SLC9C2: variants seen among roughly 807,000 people sequenced by gnomAD.
The protein encoded by SLC9C2 is solute carrier family 9 member C2 (putative).
Under a neutral mutation model 140.2 loss-of-function variants are expected in SLC9C2, and 75 were observed. The observed-to-expected ratio is 0.53, with a 90% CI of 0.44 to 0.65. SLC9C2 has a LOEUF of 0.65. SLC9C2 is among the 30% of genes least tolerant of loss of function. The probability of loss-of-function intolerance (pLI) is 0.00; values close to 1 mark genes in which losing one functional copy is unlikely to be tolerated. For missense variants in SLC9C2, 1,074 were observed against 1,331.8 expected (o/e 0.81, Z 3.01); for synonymous variants, 375 against 420.9 (o/e 0.89, Z 1.34).
At position 173,509,738 on chromosome 1, in the gene SLC9C2, G is replaced by T. The variant is rs16846052; in HGVS notation, c.2908-39C>A. On this transcript the variant is annotated intron_variant, in intron 23 of 27. Transcript: ENST00000367714. Reference sequence around the variant, plus strand: ...GAACCAGGCCATAGCAGCTTGATGTGGAACTAAATTACAAGACCATCAAAA... The same window carrying T: ...GAACCAGGCCATAGCAGCTTGATGTTGAACTAAATTACAAGACCATCAAAA... 0.022 allele frequency: 34,741 copies of T among 1,554,268 alleles called. 6,565 individuals are homozygous for T. In the African/African-American group the frequency reaches 0.42, roughly 19 times the overall value.
rs146213293 is a variant in SLC9C2 at position 173,569,572 on chromosome 1, G to T, written c.1046+3610C>A. Among the ~76,000 whole-genome samples the T allele has an allele frequency of 5.9e-4, 89 of 152,010 alleles. 1 individual carries two copies. The East Asian group carries it at 0.013, about 22-fold the overall frequency. Reference sequence around the variant, plus strand: ...TTTCTTTCTCTACTGCCTCTTTAAGGCCAATAACACTTAGACTTGCCCTTC... The same window carrying T: ...TTTCTTTCTCTACTGCCTCTTTAAGTCCAATAACACTTAGACTTGCCCTTC... On this transcript the variant is annotated intron_variant, in intron 9 of 27. Coordinates refer to ENST00000367714, the MANE Select transcript of SLC9C2 (RefSeq NM_178527.4).
At chr1:173,597,359 T>G (rs956726951) in intron 4 of SLC9C2, among the ~76,000 whole-genome samples, 2 of 151,232 alleles carry the variant, frequency 1.3e-5, no homozygotes, top group African/African-American at 2.4e-5. Context: ...AAAAGAAAAT[T>G]TAAAACCTTA....
intron 9 of SLC9C2, among the ~76,000 whole-genome samples, chr1:173,572,629 T>C (rs898658): frequency 0.24 from 37,040 of 152,128 alleles, 5,476 homozygotes; most frequent in East Asian, 0.64. Context: ...TAGGCAGGTT[T>C]TTACATTCTC....
chr1:173,594,099 G>A (rs1666318718), intron 4 of SLC9C2, among the ~76,000 whole-genome samples: 1 of 152,094 alleles, frequency 6.6e-6, no homozygotes, highest in African/African-American at 2.4e-5. Flanking sequence ...CAACAATTAG[G>A]CTCAGGTATT....
At chr1:173,551,039 G>T (rs1394006714) in intron 11 of SLC9C2, among the ~76,000 whole-genome samples, 1 of 151,930 alleles carries the variant, frequency 6.6e-6, no homozygotes, top group African/African-American at 2.4e-5. Context: ...TTGCTTTGAG[G>T]TGGGCTGTCA....
chr1:173,510,397 A>G (rs985781383), intron 23 of SLC9C2, among the ~76,000 whole-genome samples: 1 of 152,218 alleles, frequency 6.6e-6, no homozygotes, highest in African/African-American at 2.4e-5. Context: ...TACGTGTGCC[A>G]TGGTGGTTTG....
At chr1:173,557,979 C>T (rs745418750) in intron 9 of SLC9C2, among the ~76,000 whole-genome samples, 4 of 152,222 alleles carry the variant, frequency 2.6e-5, no homozygotes, top group South Asian at 2.1e-4. Context: ...AAGAATCATA[C>T]GCTAAATGTC....
chr1:173,566,976 T>A (rs1664513797), intron 9 of SLC9C2, among the ~76,000 whole-genome samples: 1 of 152,090 alleles, frequency 6.6e-6, no homozygotes. Flanking sequence ...TTTACCTGTG[T>A]TGTATAGTTT....
chr1:173,589,142 G>A (rs1322397957), intron 4 of SLC9C2, among the ~76,000 whole-genome samples: 2 of 152,204 alleles, frequency 1.3e-5, no homozygotes, highest in African/African-American at 4.8e-5. Context: ...TAAGATTGGA[G>A]TTATCTTTCA....
intron 24 of SLC9C2, 43 bp downstream of exon 24, chr1:173,509,525 G>T: frequency 7.0e-7 from 1 of 1,423,108 alleles, no homozygotes; most frequent in Non-Finnish European, 9.3e-7. Flanking sequence ...AAAATACAAT[G>T]CATAAAAATT....
At position 173,506,931 on chromosome 1, in the gene SLC9C2, C is replaced by T. The variant is rs1659681326; in HGVS notation, c.3150G>A (p.Val1050=). 6.2e-7 allele frequency: 1 copy of T among 1,613,564 alleles called. No individual in the cohort carries two copies. The highest frequency in any genetic ancestry group is 1.3e-5 in the African/African-American group (1 of 74,884). The stretch of plus-strand genomic sequence containing the variant: ...TCTTAGTATCAATTACACTGCCATA[C>T]ACAATGATAACAAATTTCATGGTCA... ...DNMTMKFVII[V]YGSVIDTKTE... The change falls in exon 25 of 28, where the codon GTG becomes GTA. Residue 1050 remains valine, a synonymous_variant. Transcript: ENST00000367714.
At position 173,574,501 on chromosome 1, in the gene SLC9C2, A is replaced by G. The variant is rs544486479; in HGVS notation, c.903-1176T>C. Among the ~76,000 whole-genome samples, 13 of 143,242 alleles carry G rather than the reference A, an allele frequency of 9.1e-5. No homozygotes were observed. In the East Asian group the frequency reaches 2.5e-3, roughly 28 times the overall value. The allele number at this position is 143,242 out of a possible 152,430, so 94.0% of individuals were successfully genotyped here. On this transcript the variant is annotated intron_variant, in intron 8 of 27. Coordinates refer to ENST00000367714, the MANE Select transcript of SLC9C2 (RefSeq NM_178527.4). ...AGTCATGGAATAACTGACTGAGTTA[A>G]GTACTTTTTTTTTTTTTTTTTTTTT...
rs770479989 is a variant in SLC9C2 at position 173,548,417 on chromosome 1, TCTA to T, written c.1430_1432del (p.Val477del). Reference sequence around the variant, plus strand: ...AATGTATTCGATCCTCGTTTTATCTTCTACTAAGGTCCAGTTAACATTTGTCAA... The same window carrying T: ...AATGTATTCGATCCTCGTTTTATCTTCTAAGGTCCAGTTAACATTTGTCAA... On this transcript the variant is annotated inframe_deletion, in exon 12 of 28. Transcript: ENST00000367714. The T allele has an allele frequency of 1.9e-6, 3 of 1,613,236 alleles. No individual in the cohort carries two copies. The highest frequency in any genetic ancestry group is 2.5e-6 in the Non-Finnish European group (3 of 1,179,600).
intron 27 of SLC9C2, among the ~76,000 whole-genome samples, chr1:173,501,580 G>A (rs573984800): frequency 2.8e-4 from 40 of 140,872 alleles, no homozygotes; most frequent in African/African-American, 8.1e-4. Flanking sequence ...GCATGGTCTC[G>A]GCTCACTGCA....
At chr1:173,536,013 T>C in intron 14 of SLC9C2, 64 bp from the exon 15 acceptor site, 1 of 1,372,142 alleles carries the variant, frequency 7.3e-7, no homozygotes, top group Non-Finnish European at 9.7e-7. Flanking sequence ...TGGGTTAATA[T>C]AAAAGGGGAA....
intron 23 of SLC9C2, among the ~76,000 whole-genome samples, chr1:173,513,590 T>C (rs1428252657): frequency 1.3e-5 from 2 of 152,162 alleles, no homozygotes; most frequent in African/African-American, 4.8e-5. Context: ...TGTTAATTTT[T>C]TCAAAAAAAT....
At chr1:173,561,430 G>C (rs1342258607) in intron 9 of SLC9C2, among the ~76,000 whole-genome samples, 3 of 152,186 alleles carry the variant, frequency 2.0e-5, no homozygotes, top group Non-Finnish European at 4.4e-5. Context: ...TTGCATAGCT[G>C]TACAACCAAG....
At chr1:173,566,818 A>G (rs10798289) in intron 9 of SLC9C2, among the ~76,000 whole-genome samples, 82,048 of 149,524 alleles carry the variant, frequency 0.55, 24,729 homozygotes, top group East Asian at 0.96. Context: ...GGCACATGTA[A>G]CTATAAATTT....
intron 23 of SLC9C2, among the ~76,000 whole-genome samples, chr1:173,511,636 G>A (rs2101907579): frequency 6.6e-6 from 1 of 152,216 alleles, no homozygotes; most frequent in East Asian, 1.9e-4. Flanking sequence ...AGTTTCTTTT[G>A]CTGTGCAGAA....
Sources: gnomAD v4.1 joint callset for allele counts (sites outside exome capture counted in the v4.1 genomes callset) on GRCh38, gnomAD v4.1.1 for gene constraint, MANE v1.5 for transcripts, NCBI Gene and HGNC (gene_info 2026-07-23, HGNC 2026-07-21) for gene names.